The following APP variants were observed in gnomAD, a reference collection of about 807,000 sequenced individuals.
The protein encoded by APP is amyloid beta precursor protein.
A neutral mutation model predicts 101.4 loss-of-function variants in APP; 31 were observed. The ratio of observed to expected loss-of-function variants is 0.31; its 90% CI spans 0.23 to 0.41. APP has a LOEUF of 0.41. Ranked by LOEUF, APP falls within the 10% of genes least tolerant of loss-of-function variation. APP has a pLI of 1.00. For synonymous variants in APP, 366 were observed against 364.4 expected (o/e 1.00, Z -0.05); for missense variants, 839 against 1,003.7 (o/e 0.84, Z 2.22).
At chr21:25,903,658 G>A (rs769255524) in intron 15 of APP, among the ~76,000 whole-genome samples, 5 of 152,158 alleles carry the variant, frequency 3.3e-5, no homozygotes, top group African/African-American at 9.7e-5. Flanking sequence ...CCCTCAGCCC[G>A]AGGCCTTACA....
chr21:26,144,256 A>C (rs1451015145), intron 1 of APP, among the ~76,000 whole-genome samples: 1 of 152,192 alleles, frequency 6.6e-6, no homozygotes, highest in Non-Finnish European at 1.5e-5. Flanking sequence ...CTACAATTCA[A>C]GATGAGATCC....
intron 11 of APP, among the ~76,000 whole-genome samples, chr21:25,968,398 G>C (rs2041880243): frequency 6.7e-6 from 1 of 149,702 alleles, no homozygotes; most frequent in Non-Finnish European, 1.5e-5. Context: ...TGGGCTCAAG[G>C]GATCCTCCCA....
intron 9 of APP, among the ~76,000 whole-genome samples, chr21:25,979,921 A>C (rs1023509464): frequency 1.7e-5 from 2 of 120,330 alleles, no homozygotes; most frequent in African/African-American, 3.1e-5. Flanking sequence ...TGTGTCCAGA[A>C]ATCACTAACA....
chr21:25,982,740 C>A (rs577246077), intron 8 of APP, among the ~76,000 whole-genome samples: 21 of 152,306 alleles, frequency 1.4e-4, no homozygotes, highest in Admixed American at 1.4e-3. Context: ...CATTAGAGTT[C>A]TTTACGAAAC....
At chr21:25,915,961 CACTT>C (rs1322029488) in intron 13 of APP, among the ~76,000 whole-genome samples, 1 of 151,122 alleles carries the variant, frequency 6.6e-6, no homozygotes, top group African/African-American at 2.5e-5. Flanking sequence ...GAGTGAAACA[CACTT>C]AGCCTTCGTT....
chr21:25,969,569 G>A (rs113620623), intron 11 of APP, among the ~76,000 whole-genome samples: 12 of 152,112 alleles, frequency 7.9e-5, no homozygotes, highest in African/African-American at 2.9e-4. Flanking sequence ...GTGAGTCATG[G>A]TGGCTCATGC....
intron 2 of APP, among the ~76,000 whole-genome samples, chr21:26,101,742 T>C (rs1200021842): frequency 6.6e-6 from 1 of 152,222 alleles, no homozygotes; most frequent in Non-Finnish European, 1.5e-5. Flanking sequence ...TTTCTAAAAG[T>C]GTCTTGACCA....
intron 6 of APP, among the ~76,000 whole-genome samples, chr21:26,001,561 C>A (rs1263846711): frequency 1.3e-5 from 2 of 152,210 alleles, no homozygotes; most frequent in Non-Finnish European, 2.9e-5. Context: ...CCCAGTGGCA[C>A]AATCTTGGCT....
chr21:25,980,675 A>AC (rs375047644), intron 9 of APP, among the ~76,000 whole-genome samples: 3,214 of 151,402 alleles, frequency 0.021, 111 homozygotes, highest in African/African-American at 0.073. Flanking sequence ...AAACAAACAA[A>AC]AAACAAAACA....
intron 1 of APP, among the ~76,000 whole-genome samples, chr21:26,162,493 A>G (rs2063512627): frequency 6.6e-6 from 1 of 152,132 alleles, no homozygotes; most frequent in South Asian, 2.1e-4. Context: ...TTACTGTGAA[A>G]TAACGAGCAC....
chr21:25,975,352 G>A, intron 10 of APP, 124 bp from the exon 11 acceptor site: 2 of 1,251,228 alleles, frequency 1.6e-6, no homozygotes, highest in South Asian at 1.3e-5. Flanking sequence ...CCTAAAGACT[G>A]CATAGTCATT....
upstream of APP, chr21:26,170,912 G>A (rs750315651): frequency 1.5e-5 from 3 of 195,694 alleles, no homozygotes; most frequent in Non-Finnish European, 1.6e-5. Flanking sequence ...CGCGCCCCGC[G>A]CCCACAGGTG....
chr21:26,083,262 A>C (rs2061633380), intron 3 of APP, among the ~76,000 whole-genome samples: 2 of 152,232 alleles, frequency 1.3e-5, no homozygotes, highest in Non-Finnish European at 2.9e-5. Context: ...TATAACAACT[A>C]TTACACCACC....
intron 7 of APP, among the ~76,000 whole-genome samples, chr21:25,998,852 C>T (rs568143415): frequency 1.9e-4 from 29 of 152,264 alleles, no homozygotes; most frequent in Admixed American, 4.6e-4. Context: ...AGTCTGTTAA[C>T]GACATGGAAG....
intron 3 of APP, among the ~76,000 whole-genome samples, chr21:26,075,004 C>T (rs2061476700): frequency 6.6e-6 from 1 of 152,158 alleles, no homozygotes; most frequent in Non-Finnish European, 1.5e-5. Flanking sequence ...ACCTGCTCTT[C>T]CTTTGTTGAT....
chr21:25,925,303 C>T (rs1203304941), intron 13 of APP, among the ~76,000 whole-genome samples: 2 of 152,216 alleles, frequency 1.3e-5, no homozygotes, highest in African/African-American at 4.8e-5. Context: ...GTTTATTATA[C>T]TTCATCTCTC....
At position 26,111,085 on chromosome 21, in the gene APP, G is replaced by GT. The variant is rs2062308879; in HGVS notation, c.225+893dup. Among the ~76,000 whole-genome samples, 6 of 78,918 alleles carry GT rather than the reference G, an allele frequency of 7.6e-5. No homozygotes were observed. In the Admixed American group the frequency reaches 7.7e-4, roughly 10 times the overall value. 51.8% of individuals were successfully genotyped at this position (78,918 alleles called of 152,430 possible). A position where few individuals can be genotyped will look rare whatever the true frequency, so the allele number is the denominator to read the frequency against. On this transcript the variant is annotated intron_variant, in intron 2 of 17. Transcript: ENST00000346798. ...GATGATTTCCAGGATACAAAGTTAAGTTAAAAAAAAAAAAAAAAAAAAAAG... is the reference window on the plus strand; with the variant it reads ...GATGATTTCCAGGATACAAAGTTAAGTTTAAAAAAAAAAAAAAAAAAAAAAG...
At position 26,112,105 on chromosome 21, in the gene APP, C is replaced by G; in HGVS notation, c.99G>C (p.Gln33His). Residue 33 changes from glutamine to histidine, a missense_variant, in exon 2 of 18, where the codon CAG (glutamine) becomes CAC (histidine). Transcript: ENST00000346798. The part of the protein sequence containing the change: ...DGNAGLLAEP[Q>H]IAMFCGRLNM... ...TCAGTCTGCCACAGAACATGGCAAT[C>G]TGGGGTTCAGCCAGCAGGCCAGCAT... 1 of 1,614,088 alleles carries G rather than the reference C, an allele frequency of 6.2e-7. No individual in the cohort carries two copies. The highest frequency in any genetic ancestry group is 8.5e-7 in the Non-Finnish European group (1 of 1,179,976).
chr21:26,007,117 A>G (rs1306142208), intron 6 of APP, among the ~76,000 whole-genome samples: 3 of 151,976 alleles, frequency 2.0e-5, no homozygotes, highest in Non-Finnish European at 4.4e-5. Context: ...CTCTACAAGA[A>G]TATCTACTTA....
Sources: allele counts gnomAD v4.1 joint callset (sites outside exome capture counted in the v4.1 genomes callset), GRCh38; gene constraint gnomAD v4.1.1; transcripts MANE v1.5; gene names NCBI Gene and HGNC (gene_info 2026-07-23, HGNC 2026-07-21).